The following GRM8 variants were observed in gnomAD, a reference collection of about 807,000 sequenced individuals.
GRM8 encodes glutamate metabotropic receptor 8.
GRM8 carries 47 observed loss-of-function variants against 87.2 expected under a neutral mutation model. That is an observed-to-expected ratio of 0.54 (90% CI 0.43 to 0.69). GRM8 has a LOEUF of 0.69. Among genes scored for constraint, GRM8 ranks in the 30% least tolerant of loss-of-function variants. GRM8 has a pLI of 0.00. For missense variants in GRM8, 1,019 were observed against 1,139.2 expected, an observed-to-expected ratio of 0.89 and a Z score of 1.52; for synonymous variants, 396 against 404.5, an observed-to-expected ratio of 0.98 and a Z score of 0.25.
At chr7:126,678,580 T>C (rs1040313847) in intron 7 of GRM8, among the ~76,000 whole-genome samples, 1 of 152,150 alleles carries the variant, frequency 6.6e-6, no homozygotes, top group Non-Finnish European at 1.5e-5. Flanking sequence ...AAACAGCAGC[T>C]CTCCTCTTTC....
At chr7:126,487,727 A>G (rs1027145540) in intron 9 of GRM8, among the ~76,000 whole-genome samples, 1 of 152,042 alleles carries the variant, frequency 6.6e-6, no homozygotes, top group Non-Finnish European at 1.5e-5. Context: ...TAAAAAATAC[A>G]CTTGTTAATA....
intron 8 of GRM8, among the ~76,000 whole-genome samples, chr7:126,554,634 C>T (rs748811610): frequency 6.6e-6 from 1 of 151,776 alleles, no homozygotes; most frequent in Non-Finnish European, 1.5e-5. Flanking sequence ...AAGAAAAGAA[C>T]AAAAGGCAAA....
At chr7:126,688,160 G>T (rs1251404699) in intron 7 of GRM8, among the ~76,000 whole-genome samples, 2 of 152,130 alleles carry the variant, frequency 1.3e-5, no homozygotes, top group Non-Finnish European at 2.9e-5. Flanking sequence ...TAAAACCTTT[G>T]TGCCAGGTTC....
chr7:126,975,641 T>C (rs1399714157), intron 3 of GRM8, among the ~76,000 whole-genome samples: 1 of 152,204 alleles, frequency 6.6e-6, no homozygotes, highest in Non-Finnish European at 1.5e-5. Flanking sequence ...AGGAAATGCA[T>C]TAATTCTGTA....
chr7:126,619,981 G>A (rs1417806888), intron 7 of GRM8, among the ~76,000 whole-genome samples: 1 of 151,856 alleles, frequency 6.6e-6, no homozygotes, highest in East Asian at 1.9e-4. Context: ...ATGAATAAAT[G>A]TGCCCAGCCA....
intron 8 of GRM8, among the ~76,000 whole-genome samples, chr7:126,555,745 T>C (rs1330755961): frequency 6.6e-6 from 1 of 152,252 alleles, no homozygotes; most frequent in Non-Finnish European, 1.5e-5. Context: ...ATTCAGTGTT[T>C]GTTTACTTGT....
At chr7:127,070,056 C>T (rs910608873) in intron 3 of GRM8, among the ~76,000 whole-genome samples, 1 of 152,194 alleles carries the variant, frequency 6.6e-6, no homozygotes, top group African/African-American at 2.4e-5. Context: ...ATCTCAGTAA[C>T]AGGATGATGG....
At chr7:127,206,248 T>C (rs1795906582) in intron 2 of GRM8, among the ~76,000 whole-genome samples, 1 of 152,214 alleles carries the variant, frequency 6.6e-6, no homozygotes, top group Non-Finnish European at 1.5e-5. Context: ...CCAGGCTGGA[T>C]TCCCTAACCA....
intron 3 of GRM8, among the ~76,000 whole-genome samples, chr7:127,034,352 G>A (rs1006498373): frequency 6.6e-6 from 1 of 152,098 alleles, no homozygotes; most frequent in African/African-American, 2.4e-5. Context: ...AGGCATTTGA[G>A]TTTATGACCC....
intron 6 of GRM8, among the ~76,000 whole-genome samples, chr7:126,826,767 T>C (rs1794844855): frequency 6.6e-6 from 1 of 152,080 alleles, no homozygotes; most frequent in Admixed American, 6.5e-5. Context: ...TTGCTTTTGG[T>C]GTTTTGGACA....
chr7:126,789,648 C>G (rs534580841), intron 6 of GRM8, among the ~76,000 whole-genome samples: 1 of 152,156 alleles, frequency 6.6e-6, no homozygotes, highest in Admixed American at 6.5e-5. Flanking sequence ...TTGCCAGTGA[C>G]AAATAACAAG....
At chr7:127,192,688 A>T (rs1337944747) in intron 2 of GRM8, among the ~76,000 whole-genome samples, 2 of 152,224 alleles carry the variant, frequency 1.3e-5, no homozygotes, top group Non-Finnish European at 2.9e-5. Flanking sequence ...TGTTCTACGC[A>T]AGTACAAGGA....
chr7:127,115,010 G>A (rs1563523406), intron 2 of GRM8, among the ~76,000 whole-genome samples: 1 of 152,114 alleles, frequency 6.6e-6, no homozygotes, highest in Non-Finnish European at 1.5e-5. Flanking sequence ...AAGAGAGAGA[G>A]CAGTTACAGA....
rs564562099 is a variant in GRM8 at position 127,196,299 on chromosome 7, A to G, written c.510+46396T>C. 5.4e-4 allele frequency among the ~76,000 whole-genome samples: 82 copies of G among 152,284 alleles called. 3 individuals carry two copies. The South Asian group carries it at 0.017, about 32-fold the overall frequency. ...TGGGGAGGTTGAGGCAGGGCAGATT[A>G]CTTGAGGTCAGGAGTTCAAGACCAG... On this transcript the variant is annotated intron_variant, in intron 2 of 10. Coordinates refer to ENST00000339582, the MANE Select transcript of GRM8 (RefSeq NM_000845.3).
At chr7:127,008,545 T>C (rs1301559230) in intron 3 of GRM8, among the ~76,000 whole-genome samples, 1 of 152,156 alleles carries the variant, frequency 6.6e-6, no homozygotes, top group Non-Finnish European at 1.5e-5. Context: ...TCAAACTGTT[T>C]GTGTTTTATG....
chr7:127,175,295 T>C (rs1481685178), intron 2 of GRM8, among the ~76,000 whole-genome samples: 2 of 152,052 alleles, frequency 1.3e-5, no homozygotes, highest in Non-Finnish European at 2.9e-5. Flanking sequence ...AGCTTGAAGA[T>C]ATGTCAATAT....
intron 3 of GRM8, among the ~76,000 whole-genome samples, chr7:127,073,816 A>G (rs946419552): frequency 1.3e-5 from 2 of 152,124 alleles, no homozygotes; most frequent in East Asian, 1.9e-4. Flanking sequence ...ACATTTTTAT[A>G]TATATAATAA....
chr7:126,993,770 C>T (rs879654685), intron 3 of GRM8, among the ~76,000 whole-genome samples: 30 of 152,208 alleles, frequency 2.0e-4, no homozygotes, highest in Non-Finnish European at 3.8e-4. Context: ...AGTGCCCACA[C>T]ATGAAGGGAG....
At chr7:126,514,356 G>A (rs1197872237) in intron 9 of GRM8, among the ~76,000 whole-genome samples, 1 of 152,116 alleles carries the variant, frequency 6.6e-6, no homozygotes, top group African/African-American at 2.4e-5. Flanking sequence ...CAGTGGGTAT[G>A]GCTTAAACAA....
Sources: allele counts gnomAD v4.1 joint callset (sites outside exome capture counted in the v4.1 genomes callset), GRCh38; gene constraint gnomAD v4.1.1; transcripts MANE v1.5; gene names NCBI Gene and HGNC (gene_info 2026-07-23, HGNC 2026-07-21).